Variants in HLF observed in about 807,000 individuals in gnomAD.
HLF encodes the protein hepatic leukemia factor.
HLF carries 3 observed loss-of-function variants against 22.6 expected under a neutral mutation model. The observed-to-expected ratio is 0.13, with a 90% CI of 0.06 to 0.34. HLF has a LOEUF of 0.34. HLF is among the 10% of genes least tolerant of loss of function. The pLI, the probability that HLF is intolerant of heterozygous loss-of-function variation, is 1.00. For missense variants in HLF, 299 were observed against 389.2 expected (o/e 0.77, Z 1.95); for synonymous variants, 151 against 151.8 (o/e 0.99, Z 0.04).
At chr17:55,265,843 T>G in intron 1 of HLF, 4 of 1,264,042 alleles carry the variant, frequency 3.2e-6, no homozygotes, top group Non-Finnish European at 4.0e-6. Flanking sequence ...CCGGCCTCCC[T>G]GGGTCCCGCT....
At chr17:55,274,785 T>C (rs1259219749) in intron 2 of HLF, among the ~76,000 whole-genome samples, 2 of 152,224 alleles carry the variant, frequency 1.3e-5, no homozygotes, top group Non-Finnish European at 2.9e-5. Flanking sequence ...AGAGTAATTG[T>C]CACAGTGCCT....
At chr17:55,292,768 A>G (rs1343824540) in intron 2 of HLF, among the ~76,000 whole-genome samples, 2 of 152,242 alleles carry the variant, frequency 1.3e-5, no homozygotes, top group African/African-American at 4.8e-5. Flanking sequence ...GAATGGACAA[A>G]GAAAATATGG....
intron 2 of HLF, among the ~76,000 whole-genome samples, chr17:55,276,323 C>T (rs1443764786): frequency 6.6e-6 from 1 of 152,132 alleles, no homozygotes; most frequent in Admixed American, 6.6e-5. Context: ...TGATGAGTGA[C>T]AGGACAAACT....
Position 55,320,837 on chromosome 17 carries a change from G to A in HLF, c.846G>A (p.Lys282=). 1 of 1,613,638 alleles carries A rather than the reference G, an allele frequency of 6.2e-7. No individual in the cohort carries two copies. The highest frequency in any genetic ancestry group is 8.5e-7 in the Non-Finnish European group (1 of 1,179,900). The change falls in exon 4 of 4, where the codon AAG becomes AAA. Residue 282 remains lysine, a synonymous_variant. Transcript: ENST00000226067. This position sits in a 1 kb window ranked among gnomAD's most constrained non-coding sequence, Gnocchi z 4.2. Reference sequence around the variant, plus strand: ...TGAGGAAGGAGCTGGGCAAATGCAAGAACATACTTGCCAAGTATGAGGCCA... The same window carrying A: ...TGAGGAAGGAGCTGGGCAAATGCAAAAACATACTTGCCAAGTATGAGGCCA... The part of the protein sequence containing the change: ...ADLRKELGKC[K]NILAKYEARH...
intron 2 of HLF, among the ~76,000 whole-genome samples, chr17:55,304,351 G>T (rs1438533422): frequency 1.3e-5 from 2 of 152,170 alleles, no homozygotes; most frequent in African/African-American, 4.8e-5. Flanking sequence ...CATCACAGGG[G>T]GCAATGGCGA....
chr17:55,310,991 G>A lies in HLF; in HGVS notation c.452-4236G>A, dbSNP rs1445279977. ...AAAAAGCCCACAAAAAATAAAAATG[G>A]AGAGCATACTGTGGGTGTATTCAAT... On this transcript the variant is annotated intron_variant, in intron 2 of 3. Coordinates refer to ENST00000226067, the MANE Select transcript of HLF (RefSeq NM_002126.5). Among the ~76,000 whole-genome samples the A allele has an allele frequency of 2.0e-5, 3 of 152,018 alleles. No individual in the cohort carries two copies. The East Asian group carries it at 5.8e-4, about 29-fold the overall frequency.
Position 55,265,281 on chromosome 17 carries a change from G to C in HLF, c.-204G>C. On this transcript the variant is annotated 5_prime_UTR_variant, in exon 1 of 4. Transcript: ENST00000226067. ...CGCTCTCCTGGGACCGTCTGCACTGGAAACCCGAAAGTTTTTTTTTAATAT... is the reference window on the plus strand; with the variant it reads ...CGCTCTCCTGGGACCGTCTGCACTGCAAACCCGAAAGTTTTTTTTTAATAT... 1 of 483,788 alleles carries C rather than the reference G, an allele frequency of 2.1e-6. No individual in the cohort carries two copies. The highest frequency in any genetic ancestry group is 3.6e-6 in the Non-Finnish European group (1 of 279,106). 30.0% of individuals were successfully genotyped at this position (483,788 alleles called of 1,614,324 possible).
At position 55,276,176 on chromosome 17, in the gene HLF, C is replaced by T. The variant is rs145416603; in HGVS notation, c.451+8090C>T. 5.7e-3 allele frequency among the ~76,000 whole-genome samples: 871 copies of T among 152,288 alleles called. 2 individuals are homozygous for T. Among genetic ancestry groups the T allele is most frequent in the Middle Eastern group, 0.01 (3 of 294 alleles). ...AGGCGAAGAGCAAGGTGTATGGTCC[C>T]AGAAATAGCATCTGTTTTTGCTCTG... On this transcript the variant is annotated intron_variant, in intron 2 of 3. Transcript: ENST00000226067.
At chr17:55,296,954 A>G (rs993913822) in intron 2 of HLF, among the ~76,000 whole-genome samples, 10 of 152,200 alleles carry the variant, frequency 6.6e-5, no homozygotes, top group African/African-American at 2.4e-4. Flanking sequence ...ATCTGTAACC[A>G]GGGTTGAGAA....
chr17:55,301,182 C>G (rs2081154735), intron 2 of HLF, among the ~76,000 whole-genome samples: 2 of 152,270 alleles, frequency 1.3e-5, no homozygotes, highest in African/African-American at 4.8e-5. Flanking sequence ...CAACCTGTGA[C>G]TCCCTGGGCA....
At chr17:55,312,028 G>A (rs576278645) in intron 2 of HLF, among the ~76,000 whole-genome samples, 56 of 152,356 alleles carry the variant, frequency 3.7e-4, no homozygotes, top group Non-Finnish European at 6.5e-4. Context: ...ATAGTATTCC[G>A]TGGTGTAGAT....
Position 55,267,550 on chromosome 17 carries a change from A to G in HLF, c.116-201A>G, listed in dbSNP as rs546257513. ...GACTAGTGCCTTCTTTCCAAAGTAAATAGGAAGATGTTGAAAAACAGGCAG... is the reference window on the plus strand; with the variant it reads ...GACTAGTGCCTTCTTTCCAAAGTAAGTAGGAAGATGTTGAAAAACAGGCAG... On this transcript the variant is annotated intron_variant, in intron 1 of 3. Transcript: ENST00000226067. 1.9e-5 allele frequency: 10 copies of G among 526,484 alleles called. No homozygotes were observed. The South Asian group carries it at 2.9e-4, about 15-fold the overall frequency. The allele number at this position is 526,484 out of a possible 1,614,324, so 32.6% of individuals were successfully genotyped here.
chr17:55,267,557 G>C, intron 1 of HLF, 194 bp from the exon 2 acceptor site: 1 of 530,522 alleles, frequency 1.9e-6, no homozygotes, highest in South Asian at 2.9e-5. Context: ...TAAATAGGAA[G>C]ATGTTGAAAA....
intron 3 of HLF, among the ~76,000 whole-genome samples, chr17:55,317,078 A>G (rs1419962915): frequency 1.4e-5 from 2 of 147,958 alleles, no homozygotes; most frequent in African/African-American, 5.0e-5. Flanking sequence ...AGCCATCCTC[A>G]TGCCTTAGCC....
At chr17:55,294,051 A>G (rs1358450923) in intron 2 of HLF, among the ~76,000 whole-genome samples, 3 of 74,394 alleles carry the variant, frequency 4.0e-5, no homozygotes, top group Non-Finnish European at 7.0e-5. Context: ...GTTCCTTCTG[A>G]TAACGGTCTT....
At chr17:55,291,383 A>T (rs2145332249) in intron 2 of HLF, among the ~76,000 whole-genome samples, 1 of 152,304 alleles carries the variant, frequency 6.6e-6, no homozygotes, top group Middle Eastern at 3.4e-3. Flanking sequence ...CTGTTCCAAA[A>T]ATCCTAGGGT....
Position 55,265,228 on chromosome 17 carries a change from T to A in HLF, c.-257T>A. 1 of 373,476 alleles carries A rather than the reference T, an allele frequency of 2.7e-6. No homozygotes were observed. The highest frequency in any genetic ancestry group is 4.7e-6 in the Non-Finnish European group (1 of 211,998). The allele number at this position is 373,476 out of a possible 1,614,324, so 23.1% of individuals were successfully genotyped here. A position where few individuals can be genotyped will look rare whatever the true frequency, so the allele number is the denominator to read the frequency against. On this transcript the variant is annotated 5_prime_UTR_variant, in exon 1 of 4. Coordinates refer to ENST00000226067, the MANE Select transcript of HLF (RefSeq NM_002126.5). ...GAGGCAGGTGAGAGCATCCTGCACG[T>A]CGCCGGGGAGCCCGCGGGCACTTGG...
At chr17:55,274,564 C>T (rs112017329) in intron 2 of HLF, among the ~76,000 whole-genome samples, 110 of 152,286 alleles carry the variant, frequency 7.2e-4, no homozygotes, top group African/African-American at 2.1e-3. Flanking sequence ...CCAGTCTATA[C>T]GGGCAATATA....
Position 55,315,393 on chromosome 17 carries a change from G to A in HLF, c.618G>A (p.Lys206=). The change falls in exon 3 of 4, where the codon AAG becomes AAA. Residue 206 remains lysine (K), a synonymous_variant. Transcript: ENST00000226067. ...RKRKFSEEEL[K]PQPMIKKARK... ...GCAAGTTCTCTGAGGAAGAACTGAA[G>A]CCACAGCCCATGATCAAGAAAGCTC... is the stretch of plus-strand genomic sequence containing the variant. The A allele has an allele frequency of 6.2e-7, 1 of 1,614,170 alleles. No individual in the cohort carries two copies. The highest frequency in any genetic ancestry group is 8.5e-7 in the Non-Finnish European group (1 of 1,180,020).
Sources: gnomAD v4.1 joint callset for allele counts (sites outside exome capture counted in the v4.1 genomes callset) on GRCh38, gnomAD v4.1.1 for gene constraint, Gnocchi (gnomAD v3.1) non-coding constraint, MANE v1.5 for transcripts, NCBI Gene and HGNC (gene_info 2026-07-23, HGNC 2026-07-21) for gene names.